The following TUBGCP5 variants were observed in gnomAD, a reference collection of about 807,000 sequenced individuals.
The protein encoded by TUBGCP5 is gamma-tubulin complex component 5.
In TUBGCP5, 98 loss-of-function variants were observed where a neutral mutation model predicts 134.7. The ratio of observed to expected loss-of-function variants is 0.73; its 90% confidence interval spans 0.62 to 0.86. TUBGCP5 has a LOEUF of 0.86. Ranked by LOEUF, TUBGCP5 falls within the 40% of genes least tolerant of loss-of-function variation. The pLI, the probability that TUBGCP5 is intolerant of heterozygous loss-of-function variation, is 0.00. For missense variants in TUBGCP5, 1,150 were observed against 1,244.8 expected, an observed-to-expected ratio of 0.92 and a Z score of 1.15; for synonymous variants, 456 against 431.4, an observed-to-expected ratio of 1.06 and a Z score of -0.71.
rs571723291 is a variant in TUBGCP5, at chr15:23,000,467, G to A, written c.3028+102C>T. The A allele has an allele frequency of 2.3e-3, 3,425 of 1,522,208 alleles. 12 individuals carry two copies. The highest frequency in any genetic ancestry group is 2.7e-3 in the Non-Finnish European group (3,115 of 1,137,870). 94.3% of individuals were successfully genotyped at this position (1,522,208 alleles called of 1,614,324 possible). A position where few individuals can be genotyped will look rare whatever the true frequency, so the allele number is the denominator to read the frequency against. ...GGGACTTTTCAGTTTTGAAAATGGT[G>A]AGAATTTCTAATTCTTCATGGGATC... On this transcript the variant is annotated intron_variant, in intron 22 of 22. Transcript: ENST00000615383.
Position 23,039,473 on chromosome 15 carries a change from C to G in TUBGCP5, c.71G>C (p.Arg24Pro). The G allele has an allele frequency of 2.0e-6, 3 of 1,534,018 alleles. No individual in the cohort carries two copies. Among genetic ancestry groups the G allele is most frequent in the Non-Finnish European group, 2.6e-6 (3 of 1,137,172 alleles). The change falls in exon 1 of 23, where the codon CGG becomes CCG. Residue 24 changes from arginine to proline, a missense_variant. Physicochemically the swap from Arg to Pro is moderately radical, Grantham distance 103. This residue lies in a region of TUBGCP5 where 453 missense variants were observed against 394.7 expected (regional missense o/e 1.15). Transcript: ENST00000615383. ...QQERDVRELVRGVAGLQDEAD... is the reference protein window; with the variant it reads ...QQERDVRELVPGVAGLQDEAD... Reference sequence around the variant, plus strand: ...CTCGTCCTGGAGGCCGGCGACACCCCGGACGAGCTCCCGCACGTCGCGCTC... The same window carrying G: ...CTCGTCCTGGAGGCCGGCGACACCCGGGACGAGCTCCCGCACGTCGCGCTC...
At chr15:23,038,693 T>C (rs2066737094) in intron 1 of TUBGCP5, among the ~76,000 whole-genome samples, 1 of 152,188 alleles carries the variant, frequency 6.6e-6, no homozygotes, top group Non-Finnish European at 1.5e-5. Context: ...TTTTTAGTAA[T>C]AATTTCATTA....
At chr15:22,986,193 G>A (rs1345956772) in intron 23 of TUBGCP5, among the ~76,000 whole-genome samples, 1 of 151,296 alleles carries the variant, frequency 6.6e-6, no homozygotes. Context: ...AACAAGTATT[G>A]GCAAGGATAT....
Position 23,039,534 on chromosome 15 carries a change from G to C in TUBGCP5, c.10C>G (p.His4Asp), listed in dbSNP as rs755112473. The C allele has an allele frequency of 1.4e-6, 2 of 1,475,748 alleles. No homozygotes were observed. The highest frequency in any genetic ancestry group is 2.8e-5 in the East Asian group (1 of 35,634). 91.4% of individuals were successfully genotyped at this position (1,475,748 alleles called of 1,614,324 possible). MAR[H>D]GPPWSRLDAQ... ...TCCAACCGACTCCACGGTGGCCCGT[G>C]CCGCGCCATGTTCCGCGCTCCTGCA... The change falls in exon 1 of 23, where the codon CAC (histidine) becomes GAC (aspartate). Residue 4 changes from histidine to aspartate, a missense_variant. By Grantham distance (81) the His-to-Asp change is moderately conservative (BLOSUM62 -1). Transcript: ENST00000615383.
chr15:22,987,063 T>G (rs1424900127), intron 23 of TUBGCP5, among the ~76,000 whole-genome samples: 2 of 151,976 alleles, frequency 1.3e-5, no homozygotes, highest in African/African-American at 4.8e-5. Context: ...CTGGGGGCGG[T>G]GGCTCACGCC....
In TUBGCP5 at chr15:23,005,431, C is replaced by T; in HGVS notation, c.2712+1G>A. On this transcript the variant is annotated splice_donor_variant, in intron 19 of 22. Transcript: ENST00000615383. LOFTEE classifies it high-confidence loss of function. ...CTGAAGCAGATGGGAGAGGCACAAA[C>T]CCTGGTCATGATGTAGTTGTGCAAG... 6.2e-7 allele frequency: 1 copy of T among 1,613,726 alleles called. No homozygotes were observed. Among genetic ancestry groups the T allele is most frequent in the Non-Finnish European group, 8.5e-7 (1 of 1,179,780 alleles).
rs1316378927 is a variant in TUBGCP5 at position 23,024,159 on chromosome 15, G to A, written c.956C>T (p.Ala319Val). Reference sequence around the variant, plus strand: ...GAGTCGAAACACAACCTGGCCATATGCTGCTATTTGTTCCAGCACAGATCG... The same window carrying A: ...GAGTCGAAACACAACCTGGCCATATACTGCTATTTGTTCCAGCACAGATCG... ...CLRSVLEQIA[A>V]YGQVVFRLQE... Residue 319 changes from alanine to valine, a missense_variant, in exon 10 of 23, where the codon GCA becomes GTA. Physicochemically the swap from Ala to Val is moderately conservative, Grantham distance 64. This residue lies in a region of TUBGCP5 where 453 missense variants were observed against 394.7 expected (regional missense o/e 1.15). Transcript: ENST00000615383. The A allele has an allele frequency of 6.2e-7, 1 of 1,613,970 alleles. No individual in the cohort carries two copies. Among genetic ancestry groups the A allele is most frequent in the African/African-American group, 1.3e-5 (1 of 74,882 alleles).
chr15:23,001,345 C>CTT (rs146709092), intron 21 of TUBGCP5, among the ~76,000 whole-genome samples: 1 of 141,300 alleles, frequency 7.1e-6, no homozygotes, highest in Non-Finnish European at 1.5e-5. Context: ...GCCTGGCTGC[C>CTT]TTTTTTTTTT....
At position 23,005,770 on chromosome 15, in the gene TUBGCP5, A is replaced by T; in HGVS notation, c.2534-160T>A. 4 of 761,336 alleles carry T rather than the reference A, an allele frequency of 5.3e-6. No individual in the cohort carries two copies. In the South Asian group the frequency reaches 8.0e-5, roughly 15 times the overall value. The allele number at this position is 761,336 out of a possible 1,614,324, so 47.2% of individuals were successfully genotyped here. On this transcript the variant is annotated intron_variant, in intron 18 of 22. Coordinates refer to ENST00000615383, the MANE Select transcript of TUBGCP5 (RefSeq NM_052903.6). ...GAACCTCAGTGCCTCTGGAAGGTGCAGTGGGAAAAGTTTCCTGTATCACTT... is the reference window on the plus strand; with the variant it reads ...GAACCTCAGTGCCTCTGGAAGGTGCTGTGGGAAAAGTTTCCTGTATCACTT...
intron 21 of TUBGCP5, among the ~76,000 whole-genome samples, chr15:23,002,493 G>A (rs540675553): frequency 2.0e-5 from 3 of 152,186 alleles, no homozygotes; most frequent in East Asian, 3.9e-4. Flanking sequence ...AGCTGCTCCC[G>A]GGCCACTTCC....
At chr15:23,023,873 A>G (rs1277910525) in intron 10 of TUBGCP5, 74 bp downstream of exon 10, 11 of 1,442,228 alleles carry the variant, frequency 7.6e-6, no homozygotes, top group Non-Finnish European at 9.3e-6. Flanking sequence ...CAAATCTTAT[A>G]TAATAAAAAC....
At chr15:22,993,525 GTTTTTTTTTTTTT>G (rs71414252) in intron 23 of TUBGCP5, among the ~76,000 whole-genome samples, 6,914 of 69,350 alleles carry the variant, frequency 0.1, 350 homozygotes, top group Middle Eastern at 0.17. Context: ...AGCCCCCGAA[GTTTTTTTTTTTTT>G]TTTTTTTTTT....
At chr15:23,016,451 A>T (rs2065321323) in intron 13 of TUBGCP5, among the ~76,000 whole-genome samples, 1 of 150,308 alleles carries the variant, frequency 6.7e-6, no homozygotes, top group Non-Finnish European at 1.5e-5. Context: ...CCCAGATTGC[A>T]CCACTGCACT....
At chr15:23,017,064 A>G (rs761750972) in intron 13 of TUBGCP5, among the ~76,000 whole-genome samples, 1 of 150,600 alleles carries the variant, frequency 6.6e-6, no homozygotes, top group African/African-American at 2.5e-5. Flanking sequence ...ATTAAGTGAA[A>G]TAAGCCAGGA....
At position 23,010,041 on chromosome 15, in the gene TUBGCP5, A is replaced by C. The variant is rs763910057; in HGVS notation, c.2048T>G (p.Phe683Cys). The C allele has an allele frequency of 6.2e-7, 1 of 1,614,160 alleles. No homozygotes were observed. The highest frequency in any genetic ancestry group is 8.5e-7 in the Non-Finnish European group (1 of 1,180,028). Residue 683 changes from phenylalanine to cysteine, a missense_variant, in exon 15 of 23, where the codon TTT (phenylalanine) becomes TGT (cysteine). Coordinates refer to ENST00000615383, the MANE Select transcript of TUBGCP5 (RefSeq NM_052903.6). ...GAGGCAGGATCTCAGCGTTAATTCA[A>C]AAGTCTGGCATGTCACAGATTCCGA... ...RSSESVTCQT[F>C]ELTLRSCLYP...
At chr15:22,994,239 C>G (rs1009414349), downstream of TUBGCP5, among the ~76,000 whole-genome samples, 27 of 152,044 alleles carry the variant, frequency 1.8e-4, no homozygotes, top group African/African-American at 6.0e-4. Flanking sequence ...AGGTGCCCAC[C>G]ACCACGCCTG....
chr15:23,028,122 T>C (rs539789625), intron 6 of TUBGCP5, among the ~76,000 whole-genome samples: 1 of 151,864 alleles, frequency 6.6e-6, no homozygotes, highest in Non-Finnish European at 1.5e-5. Context: ...TGAAAAATCC[T>C]ACATTAAAAA....
chr15:23,012,845 G>A (rs1214553878), intron 13 of TUBGCP5, among the ~76,000 whole-genome samples: 6 of 152,068 alleles, frequency 3.9e-5, no homozygotes, highest in Non-Finnish European at 5.9e-5. Context: ...GGTGGCTCAC[G>A]CTTGTAATCC....
chr15:23,012,475 C>T (rs937411714), intron 13 of TUBGCP5, among the ~76,000 whole-genome samples: 1 of 151,980 alleles, frequency 6.6e-6, no homozygotes, highest in Non-Finnish European at 1.5e-5. Flanking sequence ...GGCATGATCT[C>T]GGCTCACTGC....
Sources: gnomAD v4.1 joint callset for allele counts (sites outside exome capture counted in the v4.1 genomes callset) on GRCh38, gnomAD v4.1.1 for gene constraint, gnomAD v4.1.1 regional missense constraint, MANE v1.5 for transcripts, NCBI Gene and HGNC (gene_info 2026-07-23, HGNC 2026-07-21) for gene names.